TFB1M: variants seen among roughly 807,000 people sequenced by gnomAD.
The protein encoded by TFB1M is dimethyladenosine transferase 1, mitochondrial.
TFB1M carries 27 observed loss-of-function variants against 31.1 expected under a neutral mutation model. The ratio of observed to expected loss-of-function variants is 0.87; its 90% CI spans 0.64 to 1.20. The LOEUF (loss-of-function observed/expected upper bound fraction) is 1.20. TFB1M is among the 50% of genes most tolerant of loss of function. The pLI, the probability that TFB1M is intolerant of heterozygous loss-of-function variation, is 0.00. For synonymous variants in TFB1M, 166 were observed against 151.8 expected, an observed-to-expected ratio of 1.09 and a Z score of -0.69; for missense variants, 394 against 418.7, an observed-to-expected ratio of 0.94 and a Z score of 0.51.
At chr6:155,286,116 T>C (rs913509556) in intron 4 of TFB1M, among the ~76,000 whole-genome samples, 1 of 151,960 alleles carries the variant, frequency 6.6e-6, no homozygotes, top group African/African-American at 2.4e-5. Context: ...TAACACACGA[T>C]AGATGCGATG....
chr6:155,302,277 A>G (rs1393623515), intron 2 of TFB1M, among the ~76,000 whole-genome samples: 2 of 152,228 alleles, frequency 1.3e-5, no homozygotes, highest in South Asian at 4.1e-4. Flanking sequence ...GCCACATAGT[A>G]GGGCCCAAAT....
At chr6:155,251,498 A>T (rs1320163182), downstream of TFB1M, among the ~76,000 whole-genome samples, 1 of 151,922 alleles carries the variant, frequency 6.6e-6, no homozygotes, top group African/African-American at 2.4e-5. Flanking sequence ...TGCTGGCCAG[A>T]CTGGTCTCGA....
At chr6:155,237,245 C>T in the TFB1M span, among the ~76,000 whole-genome samples, 1 of 152,254 alleles carries the variant, frequency 6.6e-6, no homozygotes. Context: ...AAAATGATCT[C>T]CTTTGACTCC....
At chr6:155,312,942 C>T (rs1328791749) in intron 1 of TFB1M, among the ~76,000 whole-genome samples, 2 of 152,044 alleles carry the variant, frequency 1.3e-5, no homozygotes, top group East Asian at 3.9e-4. Context: ...GTAGGCCCTT[C>T]TTCCAATTAA....
At chr6:155,248,148 C>T in the TFB1M span, 1 of 1,614,040 alleles carries the variant, frequency 6.2e-7, no homozygotes, top group East Asian at 2.2e-5. Flanking sequence ...CCCTGACGGA[C>T]CAGGAGAGCG....
At chr6:155,296,780 T>C (rs1435724281) in intron 4 of TFB1M, among the ~76,000 whole-genome samples, 173 bp downstream of exon 4, 1 of 151,934 alleles carries the variant, frequency 6.6e-6, no homozygotes, top group Non-Finnish European at 1.5e-5. Flanking sequence ...CCACAGCAGT[T>C]ACATCTGTCA....
rs201768355 is a variant in TFB1M at position 155,275,864 on chromosome 6, G to A, written c.666+9294C>T. On this transcript the variant is annotated intron_variant, in intron 5 of 6. Transcript: ENST00000367166. ...CATAACAGCCATTGTACAGCTGCAC[G>A]GGCTCTGGATGGACTGTACGTGGTA... 256 of 1,613,994 alleles carry A rather than the reference G, an allele frequency of 1.6e-4. No individual in the cohort carries two copies. Among genetic ancestry groups the A allele is most frequent in the Admixed American group, 2.0e-4 (12 of 60,004 alleles).
chr6:155,269,721 A>G (rs1462175256), intron 5 of TFB1M, among the ~76,000 whole-genome samples: 1 of 152,246 alleles, frequency 6.6e-6, no homozygotes, highest in Non-Finnish European at 1.5e-5. Flanking sequence ...AAAGCAGGTT[A>G]TAAATGGTAG....
Position 155,287,582 on chromosome 6 carries a change from G to GTGTGTGTGTGTA in TFB1M, c.547-2306_547-2305insTACACACACACA, listed in dbSNP as rs532523784. Among the ~76,000 whole-genome samples the GTGTGTGTGTGTA allele has an allele frequency of 1.8e-3, 269 of 151,166 alleles. 1 individual carries two copies. Among genetic ancestry groups the GTGTGTGTGTGTA allele is most frequent in the Non-Finnish European group, 1.9e-3 (129 of 67,890 alleles). ...TGTGTGTGTGTGTGTGTGTATGTGT[G>GTGTGTGTGTGTA]TGTGGTGTATTTATCTGCAATGTAA... On this transcript the variant is annotated intron_variant, in intron 4 of 6. Coordinates refer to ENST00000367166, the MANE Select transcript of TFB1M (RefSeq NM_016020.4).
In TFB1M at chr6:155,274,074, A is replaced by G. The variant is rs114151020; in HGVS notation, c.666+11084T>C. On this transcript the variant is annotated intron_variant, in intron 5 of 6. Transcript: ENST00000367166. ...TTAACCCTATGAACGAAGTATTTCA[A>G]TCCTCCCCATTTTCCAGAAGAGGAT... is the stretch of plus-strand genomic sequence containing the variant. 3.8e-3 allele frequency among the ~76,000 whole-genome samples: 585 copies of G among 152,346 alleles called. 5 individuals carry two copies. The highest frequency in any genetic ancestry group is 0.013 in the African/African-American group (557 of 41,566).
chr6:155,244,619 T>G, the TFB1M span: 1 of 1,606,228 alleles, frequency 6.2e-7, no homozygotes, highest in Non-Finnish European at 8.5e-7. Flanking sequence ...CTGAACTTCA[T>G]GGCTAATCCC....
rs141999652 is a variant in TFB1M at position 155,267,321 on chromosome 6, C to T, written c.667-6921G>A. ...TGAAAGGGTCAGCTGAGGCAGCCAT[C>T]TCATAGCTGTTGAAGTAAACCTAAA... On this transcript the variant is annotated intron_variant, in intron 5 of 6. Coordinates refer to ENST00000367166, the MANE Select transcript of TFB1M (RefSeq NM_016020.4). Among the ~76,000 whole-genome samples, 1,152 of 152,294 alleles carry T rather than the reference C, an allele frequency of 7.6e-3. 16 individuals are homozygous for T. The highest frequency in any genetic ancestry group is 0.026 in the African/African-American group (1,095 of 41,556).
chr6:155,302,490 G>A (rs76238756), intron 2 of TFB1M, among the ~76,000 whole-genome samples: 7,906 of 152,058 alleles, frequency 0.052, 264 homozygotes, highest in East Asian at 0.18. Context: ...TAGAGGGAAG[G>A]TTACAGCATG....
At chr6:155,251,101 C>A in the TFB1M span, 2 of 1,240,778 alleles carry the variant, frequency 1.6e-6, no homozygotes, top group South Asian at 2.4e-5. Context: ...ACCAGTCCAG[C>A]TCACTCCTGA....
In TFB1M at chr6:155,257,021, A is replaced by G; in HGVS notation, c.*815T>C. 6.2e-7 allele frequency: 1 copy of G among 1,614,146 alleles called. No homozygotes were observed. The highest frequency in any genetic ancestry group is 8.5e-7 in the Non-Finnish European group (1 of 1,180,008). On this transcript the variant is annotated 3_prime_UTR_variant, in exon 7 of 7. Coordinates refer to ENST00000367166, the MANE Select transcript of TFB1M (RefSeq NM_016020.4). ...AGTCAGTCTGAAAATGCCACCATCG[A>G]CCTAAATTCTGTTCTAGAGCGAGAA...
the TFB1M span, chr6:155,250,085 TTTC>T: frequency 1.5e-6 from 1 of 686,042 alleles, no homozygotes; most frequent in Non-Finnish European, 2.5e-6. Context: ...GCCTAAGATT[TTTC>T]TTGATAACAA....
At chr6:155,313,785 TATGA>T (rs1778121514) in intron 1 of TFB1M, among the ~76,000 whole-genome samples, 1 of 152,186 alleles carries the variant, frequency 6.6e-6, no homozygotes, top group Non-Finnish European at 1.5e-5. Flanking sequence ...AATATGTACT[TATGA>T]ATGAATATTA....
At chr6:155,267,303 G>T (rs1239500764) in intron 5 of TFB1M, among the ~76,000 whole-genome samples, 3 of 152,188 alleles carry the variant, frequency 2.0e-5, no homozygotes, top group Non-Finnish European at 1.5e-5. Flanking sequence ...TGATGAAAGG[G>T]TCAGCTGAGG....
At chr6:155,240,704 G>GTGAAGGTA in the TFB1M span, 1 of 1,610,784 alleles carries the variant, frequency 6.2e-7, no homozygotes, top group East Asian at 2.2e-5. Flanking sequence ...GAAGTCCTAC[G>GTGAAGGTA]TGAAGGTAAG....
Sources: allele counts gnomAD v4.1 joint callset (sites outside exome capture counted in the v4.1 genomes callset), GRCh38; gene constraint gnomAD v4.1.1; transcripts MANE v1.5; gene names NCBI Gene and HGNC (gene_info 2026-07-23, HGNC 2026-07-21).